KIF14: variants seen among roughly 807,000 people sequenced by gnomAD.
The protein encoded by KIF14 is kinesin-like protein KIF14.
Under a neutral mutation model 176.2 loss-of-function variants are expected in KIF14, and 98 were observed. The observed-to-expected ratio is 0.56, with a 90% CI of 0.47 to 0.66. KIF14 has a LOEUF of 0.66. Among genes scored for constraint, KIF14 ranks in the 30% least tolerant of loss-of-function variants. KIF14 has a pLI of 0.00. For synonymous variants in KIF14, 566 were observed against 632.2 expected, an observed-to-expected ratio of 0.90 and a Z score of 1.57; for missense variants, 1,751 against 1,920.4, an observed-to-expected ratio of 0.91 and a Z score of 1.65.
chr1:200,557,355 T>C (rs1656889912), intron 27 of KIF14, among the ~76,000 whole-genome samples: 1 of 152,204 alleles, frequency 6.6e-6, no homozygotes, highest in African/African-American at 2.4e-5. Context: ...CAGACATATG[T>C]TGAGAAAAAG....
At chr1:200,600,731 A>G (rs1659584957) in intron 11 of KIF14, among the ~76,000 whole-genome samples, 1 of 152,232 alleles carries the variant, frequency 6.6e-6, no homozygotes, top group South Asian at 2.1e-4. Context: ...GTTCATAAGT[A>G]GGAAAGCTGT....
At position 200,598,432 on chromosome 1, in the gene KIF14, T is replaced by C. The variant is rs769958529; in HGVS notation, c.2365-11A>G. 5.0e-6 allele frequency: 8 copies of C among 1,594,518 alleles called. No homozygotes were observed. Among genetic ancestry groups the C allele is most frequent in the Admixed American group, 3.6e-5 (2 of 55,778 alleles). ...CATAATTCCTGCTTTCTGGTAGAAG[T>C]CAGAAAAAGAAATTAATCTTAATCA... On this transcript the variant is annotated splice_polypyrimidine_tract_variant and intron_variant, in intron 13 of 29. Coordinates refer to ENST00000367350, the MANE Select transcript of KIF14 (RefSeq NM_014875.3).
chr1:200,579,240 G>A (rs1658309552), intron 21 of KIF14, among the ~76,000 whole-genome samples: 1 of 152,196 alleles, frequency 6.6e-6, no homozygotes, highest in Non-Finnish European at 1.5e-5. Flanking sequence ...AGGCTAAGGT[G>A]AGAGGACTGC....
intron 21 of KIF14, among the ~76,000 whole-genome samples, chr1:200,578,996 C>G (rs1042527646): frequency 1.3e-5 from 2 of 152,114 alleles, no homozygotes; most frequent in African/African-American, 4.8e-5. Flanking sequence ...GCGGCTGAGG[C>G]AGGAGAATGG....
rs369794858 is a variant in KIF14, at chr1:200,559,496, T to C, written c.4231-44A>G. 32 of 1,199,456 alleles carry C rather than the reference T, an allele frequency of 2.7e-5. No individual in the cohort carries two copies. In the Admixed American group the frequency reaches 3.9e-4, roughly 15 times the overall value. 74.3% of individuals were successfully genotyped at this position (1,199,456 alleles called of 1,614,324 possible). On this transcript the variant is annotated intron_variant, in intron 26 of 29. Coordinates refer to ENST00000367350, the MANE Select transcript of KIF14 (RefSeq NM_014875.3). ...CATTAACTAGAAAATTTAGGTTTTA[T>C]GTATTTTAATTTATTTAAATTTAGG... is the stretch of plus-strand genomic sequence containing the variant.
Position 200,553,659 on chromosome 1 carries a change from T to C in KIF14, c.4676A>G (p.Tyr1559Cys). Residue 1559 changes from tyrosine (Y) to cysteine (C), a missense_variant, in exon 30 of 30, where the codon TAT (tyrosine) becomes TGT (cysteine). Transcript: ENST00000367350. ...FSVPSTSVGSYESRVTHIVHQ... is the reference protein window; with the variant it reads ...FSVPSTSVGSCESRVTHIVHQ... ...GACAATGTGAGTTACTCTACTCTCA[T>C]AGCTGCCAACAGAAGTAGAAGGCAC... 3 of 1,614,036 alleles carry C rather than the reference T, an allele frequency of 1.9e-6. No individual in the cohort carries two copies. Among genetic ancestry groups the C allele is most frequent in the Non-Finnish European group, 1.7e-6 (2 of 1,179,960 alleles).
chr1:200,613,738 G>A (rs939466484), intron 4 of KIF14, among the ~76,000 whole-genome samples: 35 of 151,982 alleles, frequency 2.3e-4, no homozygotes, highest in Admixed American at 1.4e-3. Context: ...AAGAATCCCC[G>A]GTGATTCTTA....
rs1429267439 is a variant in KIF14 at position 200,581,286 on chromosome 1, T to TC, written c.3249_3250insG (p.Thr1084AspfsTer31). ...ATTGAGAGTTTCATAGAGCTCCAAG[T>TC]TGTCTGCACTAATACAAAGCACACA... On this transcript the variant is annotated frameshift_variant, in exon 20 of 30. Coordinates refer to ENST00000367350, the MANE Select transcript of KIF14 (RefSeq NM_014875.3). LOFTEE classifies it high-confidence loss of function. 6.3e-7 allele frequency: 1 copy of TC among 1,595,334 alleles called. No homozygotes were observed. The highest frequency in any genetic ancestry group is 1.7e-5 in the Admixed American group (1 of 57,674).
chr1:200,559,327 T>C lies in KIF14; in HGVS notation c.4353+3A>G. ...GTACAGAATATTCTTTTATTCATCT[T>C]ACCTCATTTTTTGTACACTGCCTAA... On this transcript the variant is annotated splice_donor_region_variant and intron_variant, in intron 27 of 29. Coordinates refer to ENST00000367350, the MANE Select transcript of KIF14 (RefSeq NM_014875.3). 6.5e-7 allele frequency: 1 copy of C among 1,548,672 alleles called. No homozygotes were observed. Among genetic ancestry groups the C allele is most frequent in the South Asian group, 1.3e-5 (1 of 79,210 alleles).
At chr1:200,561,294 A>G (rs998206622) in intron 25 of KIF14, among the ~76,000 whole-genome samples, 3 of 151,680 alleles carry the variant, frequency 2.0e-5, no homozygotes, top group African/African-American at 7.3e-5. Flanking sequence ...TAATCTCAGC[A>G]CTTTCGGAGG....
Position 200,617,912 on chromosome 1 carries a change from C to T in KIF14, c.812G>A (p.Gly271Glu). The T allele has an allele frequency of 6.2e-7, 1 of 1,613,856 alleles. No individual in the cohort carries two copies. The highest frequency in any genetic ancestry group is 8.5e-7 in the Non-Finnish European group (1 of 1,179,958). Residue 271 changes from glycine (G) to glutamate (E), a missense_variant, in exon 2 of 30, where the codon GGG becomes GAG. Physicochemically the swap from Gly to Glu is moderately conservative, Grantham distance 98. Transcript: ENST00000367350. ...KEIAKTSNKF[G>E]SLEKRTPTKC... ...TGTAGGTGTTCTTTTTTCTAAGCTC[C>T]CAAATTTATTTGAAGTTTTTGCAAT...
At position 200,565,172 on chromosome 1, in the gene KIF14, TG is replaced by T. The variant is rs780991393; in HGVS notation, c.3967del (p.His1323ThrfsTer3). On this transcript the variant is annotated frameshift_variant, in exon 25 of 30. Coordinates refer to ENST00000367350, the MANE Select transcript of KIF14 (RefSeq NM_014875.3). LOFTEE classifies it high-confidence loss of function. ...AFEQLVVLMK[H>X]WLSDLLPCTN... ...ACAAGGCAGTAAATCACTCAGCCAG[TG>T]TTTCATTAGCACTACTAGCTGCTCA... 4 of 1,614,036 alleles carry T rather than the reference TG, an allele frequency of 2.5e-6. No homozygotes were observed. In the South Asian group the frequency reaches 4.4e-5, roughly 18 times the overall value.
At chr1:200,555,485 C>G in intron 27 of KIF14, 31 bp from the exon 28 acceptor site, 1 of 1,259,246 alleles carries the variant, frequency 7.9e-7, no homozygotes, top group South Asian at 1.5e-5. Context: ...TTTTATTATA[C>G]TTTATTATTC....
intron 7 of KIF14, 30 bp downstream of exon 7, chr1:200,605,834 C>G (rs2102744868): frequency 3.0e-6 from 4 of 1,344,906 alleles, no homozygotes; most frequent in Middle Eastern, 1.9e-4. Flanking sequence ...CTCTTTCTAT[C>G]TAGTGAAAAG....
At chr1:200,576,945 G>A (rs61827019) in intron 21 of KIF14, among the ~76,000 whole-genome samples, 43,704 of 151,634 alleles carry the variant, frequency 0.29, 7,736 homozygotes, top group Non-Finnish European at 0.41. Context: ...TCCTCTCACC[G>A]CAGCCTTCCA....
intron 12 of KIF14, 69 bp downstream of exon 12, chr1:200,600,285 CTT>C: frequency 6.7e-7 from 1 of 1,484,836 alleles, no homozygotes; most frequent in Non-Finnish European, 9.4e-7. Flanking sequence ...TCAGTATCCT[CTT>C]GAGGTCCCTG....
intron 21 of KIF14, among the ~76,000 whole-genome samples, chr1:200,577,699 CA>C (rs1222369694): frequency 7.2e-6 from 1 of 138,666 alleles, no homozygotes; most frequent in Non-Finnish European, 1.5e-5. Context: ...GACTCCGTCT[CA>C]AAAAAAGAAA....
intron 14 of KIF14, among the ~76,000 whole-genome samples, chr1:200,596,535 T>C (rs906608769): frequency 6.7e-6 from 1 of 149,582 alleles, no homozygotes; most frequent in African/African-American, 2.5e-5. Flanking sequence ...ATTTAGAACA[T>C]CTCTATGACC....
chr1:200,575,555 A>C (rs780336609), intron 22 of KIF14, 36 bp downstream of exon 22: 13 of 1,269,728 alleles, frequency 1.0e-5, no homozygotes, highest in Non-Finnish European at 1.5e-5. Flanking sequence ...ATGCACACAC[A>C]AAGTGCAAGA....
Sources: allele counts gnomAD v4.1 joint callset (sites outside exome capture counted in the v4.1 genomes callset), GRCh38; gene constraint gnomAD v4.1.1; transcripts MANE v1.5; gene names NCBI Gene and HGNC (gene_info 2026-07-23, HGNC 2026-07-21).